The following GRIA1 variants were observed in gnomAD, a reference collection of about 807,000 sequenced individuals.
GRIA1 encodes the protein glutamate receptor 1.
In GRIA1, 31 loss-of-function variants were observed where a neutral mutation model predicts 99.2. The observed-to-expected ratio is 0.31, with a 90% CI of 0.23 to 0.42. The LOEUF (loss-of-function observed/expected upper bound fraction) is 0.42. Among genes scored for constraint, GRIA1 ranks in the 10% least tolerant of loss-of-function variants. The pLI is 1.00. For missense variants in GRIA1, 782 were observed against 1,157.5 expected, an observed-to-expected ratio of 0.68 and a Z score of 4.71; for synonymous variants, 438 against 432.4, an observed-to-expected ratio of 1.01 and a Z score of -0.16.
At chr5:153,496,916 T>A (rs1249929359) in intron 2 of GRIA1, among the ~76,000 whole-genome samples, 1 of 152,194 alleles carries the variant, frequency 6.6e-6, no homozygotes, top group African/African-American at 2.4e-5. Context: ...GTCATTTGAT[T>A]TTTTCCCTTT....
chr5:153,517,734 C>T lies in GRIA1; in HGVS notation c.220+23669C>T, dbSNP rs1561603980. ...TCAAAAAAAATCTCTACCATAACCC[C>T]GTATCCCTCACACTGTGATCTTTTT... On this transcript the variant is annotated intron_variant, in intron 2 of 15. Transcript: ENST00000285900. Among the ~76,000 whole-genome samples the T allele has an allele frequency of 1.3e-5, 2 of 152,194 alleles. 1 individual carries two copies. Among genetic ancestry groups the T allele is most frequent in the South Asian group, 4.1e-4 (2 of 4,830 alleles).
chr5:153,654,467 C>T (rs759689859), intron 4 of GRIA1, among the ~76,000 whole-genome samples: 1 of 152,000 alleles, frequency 6.6e-6, no homozygotes, highest in East Asian at 1.9e-4. Context: ...AAAGGTGTCT[C>T]ATTGTTGAAA....
At chr5:153,653,034 G>A (rs1460737202) in intron 4 of GRIA1, among the ~76,000 whole-genome samples, 1 of 152,150 alleles carries the variant, frequency 6.6e-6, no homozygotes, top group African/African-American at 2.4e-5. Context: ...TTAACTGCCT[G>A]TGTCTGTCTC....
chr5:153,711,210 G>C (rs1759293854), intron 11 of GRIA1, among the ~76,000 whole-genome samples: 1 of 152,178 alleles, frequency 6.6e-6, no homozygotes, highest in Admixed American at 6.5e-5. Flanking sequence ...TTAAGCAAGG[G>C]AAGGATTGAT....
intron 2 of GRIA1, among the ~76,000 whole-genome samples, chr5:153,627,238 C>T (rs755675558): frequency 5.3e-5 from 8 of 152,176 alleles, no homozygotes; most frequent in Admixed American, 3.3e-4. Context: ...TGCAAAAACA[C>T]GTTTTACATG....
chr5:153,630,157 A>G (rs748297255), intron 2 of GRIA1, among the ~76,000 whole-genome samples: 1 of 152,206 alleles, frequency 6.6e-6, no homozygotes, highest in Non-Finnish European at 1.5e-5. Context: ...GATTAAAAGA[A>G]TTGATGAAAG....
chr5:153,767,992 G>A (rs950818516), intron 12 of GRIA1, among the ~76,000 whole-genome samples: 9 of 152,214 alleles, frequency 5.9e-5, no homozygotes, highest in Non-Finnish European at 1.2e-4. Context: ...TTGCCCAGAA[G>A]GCTCCTCAGC....
At chr5:153,734,104 G>A (rs1042007316) in intron 11 of GRIA1, among the ~76,000 whole-genome samples, 6 of 152,136 alleles carry the variant, frequency 3.9e-5, no homozygotes, top group African/African-American at 7.2e-5. Context: ...TGATGCCTAT[G>A]CATTTCCCTT....
chr5:153,733,842 CAG>C (rs1420675078), intron 11 of GRIA1, among the ~76,000 whole-genome samples: 1 of 152,052 alleles, frequency 6.6e-6, no homozygotes, highest in African/African-American at 2.4e-5. Flanking sequence ...AAGTCAACAT[CAG>C]AGTACCTAAA....
In GRIA1 at chr5:153,698,905, G is replaced by C; in HGVS notation, c.1284G>C (p.Gln428His). 1 of 1,613,852 alleles carries C rather than the reference G, an allele frequency of 6.2e-7. No individual in the cohort carries two copies. Among genetic ancestry groups the C allele is most frequent in the Non-Finnish European group, 8.5e-7 (1 of 1,179,742 alleles). ...TGATGCTCAAGAAGAACGCCAATCA[G>C]TTTGAGGGCAATGACCGTTACGAGG... ...PYVMLKKNAN[Q>H]FEGNDRYEGY... Residue 428 changes from glutamine to histidine, a missense_variant, in exon 10 of 16, where the codon CAG (glutamine) becomes CAC (histidine). By Grantham distance (24) the Gln-to-His change is conservative. Around this residue, in one of 5 missense-constraint regions of GRIA1, gnomAD observed 87 missense variants for 184.5 expected, o/e 0.47. Transcript: ENST00000285900.
chr5:153,727,290 G>C (rs983175708), intron 11 of GRIA1, among the ~76,000 whole-genome samples: 6 of 152,228 alleles, frequency 3.9e-5, no homozygotes, highest in Non-Finnish European at 7.4e-5. Context: ...TACTGAATGG[G>C]CAAAAACTGG....
intron 5 of GRIA1, among the ~76,000 whole-genome samples, chr5:153,657,902 C>G (rs1176315112): frequency 2.6e-5 from 4 of 152,152 alleles, no homozygotes; most frequent in Non-Finnish European, 2.9e-5. Flanking sequence ...AAGAGTCTCA[C>G]CCTCCAAAGA....
chr5:153,656,333 A>G (rs1325270520), intron 5 of GRIA1, among the ~76,000 whole-genome samples: 2 of 147,540 alleles, frequency 1.4e-5, no homozygotes, highest in East Asian at 4.0e-4. Flanking sequence ...GAACAATATT[A>G]TGTCCATTTA....
intron 4 of GRIA1, among the ~76,000 whole-genome samples, chr5:153,651,549 A>C (rs1276794024): frequency 6.6e-6 from 1 of 152,232 alleles, no homozygotes; most frequent in Admixed American, 6.5e-5. Flanking sequence ...GTCATACAAT[A>C]AAATTGATAG....
chr5:153,673,167 C>T (rs1756322265), intron 5 of GRIA1, among the ~76,000 whole-genome samples: 1 of 152,194 alleles, frequency 6.6e-6, no homozygotes, highest in South Asian at 2.1e-4. Flanking sequence ...ATCATCCTCT[C>T]ACCTCTGGGC....
rs267600499 is a variant in GRIA1, at chr5:153,705,822, G to A, written c.1578G>A (p.Pro526=). The A allele has an allele frequency of 1.2e-5, 20 of 1,613,758 alleles. No individual in the cohort carries two copies. Among genetic ancestry groups the A allele is most frequent in the Admixed American group, 5.0e-5 (3 of 59,970 alleles). ...TTAAAAAACCACAGAAATCCAAGCC[G>A]GGTGTCTTCTCCTTCCTTGATCCTT... ...IMIKKPQKSK[P]GVFSFLDPLA... is the part of the protein sequence containing the mutation. Residue 526 remains proline, a synonymous_variant, in exon 11 of 16, where the codon CCG becomes CCA. Transcript: ENST00000285900.
chr5:153,705,098 G>C (rs992883672), intron 10 of GRIA1, among the ~76,000 whole-genome samples: 1 of 152,174 alleles, frequency 6.6e-6, no homozygotes, highest in Admixed American at 6.5e-5. Flanking sequence ...TGTCAATACA[G>C]AGGGATGTAT....
At chr5:153,709,393 T>G (rs1759151252) in intron 11 of GRIA1, among the ~76,000 whole-genome samples, 1 of 152,240 alleles carries the variant, frequency 6.6e-6, no homozygotes, top group South Asian at 2.1e-4. Context: ...ATATCTGCAC[T>G]TATCCACAAG....
chr5:153,603,417 A>G (rs934483318), intron 2 of GRIA1, among the ~76,000 whole-genome samples: 13 of 152,186 alleles, frequency 8.5e-5, no homozygotes, highest in Non-Finnish European at 8.8e-5. Flanking sequence ...AGCATGATTT[A>G]TAGCCCTTTG....
Sources: gnomAD v4.1 joint callset for allele counts (sites outside exome capture counted in the v4.1 genomes callset) on GRCh38, gnomAD v4.1.1 for gene constraint, gnomAD v4.1.1 regional missense constraint, MANE v1.5 for transcripts, NCBI Gene and HGNC (gene_info 2026-07-23, HGNC 2026-07-21) for gene names.